The following ZPBP variants were observed in gnomAD, a reference collection of about 807,000 sequenced individuals.
ZPBP encodes the protein zona pellucida-binding protein 1.
Under a neutral mutation model 44.8 loss-of-function variants are expected in ZPBP, and 26 were observed. That is an observed-to-expected ratio of 0.58 (90% CI 0.43 to 0.81). The LOEUF (loss-of-function observed/expected upper bound fraction) is 0.81. Ranked by LOEUF, ZPBP falls within the 30% of genes least tolerant of loss-of-function variation. The probability of loss-of-function intolerance (pLI) is 0.00; values close to 1 mark genes in which losing one functional copy is unlikely to be tolerated. For missense variants in ZPBP, 409 were observed against 434.0 expected (o/e 0.94, Z 0.51); for synonymous variants, 174 against 153.2 (o/e 1.14, Z -1.00).
At chr7:49,886,126 G>A (rs1791894909) in intron 2 of ZPBP, among the ~76,000 whole-genome samples, 1 of 152,206 alleles carries the variant, frequency 6.6e-6, no homozygotes, top group Admixed American at 6.5e-5. Context: ...TGAAGCCCCT[G>A]GGCTGGGCAA....
At position 49,983,449 on chromosome 7, in the gene ZPBP, G is replaced by C; in HGVS notation, c.854C>G (p.Pro285Arg). ...EILGRRAEQL[P>R]QIYYIEGTLQ... is the part of the protein sequence containing the mutation. ...AGTACCTTCAATATAGTATATTTGA[G>C]GTAATTGTTCTGCACGTCTGCCAAG... The change falls in exon 7 of 8, where the codon CCT (proline) becomes CGT (arginine). Residue 285 changes from proline to arginine, a missense_variant. Coordinates refer to ENST00000046087, the MANE Select transcript of ZPBP (RefSeq NM_007009.3). 6.2e-7 allele frequency: 1 copy of C among 1,611,390 alleles called. No homozygotes were observed. Among genetic ancestry groups the C allele is most frequent in the Admixed American group, 1.7e-5 (1 of 59,918 alleles).
Position 50,081,824 on chromosome 7 carries a change from A to G in ZPBP, c.284T>C (p.Leu95Pro). The part of the protein sequence containing the change: ...CVTQQLRNAE[L>P]IDPSFQWYGP... ...ATACCATTGGAATGATGGGTCTATC[A>G]GTTCAGCATTTCGCAGTTGTTGCGT... is the stretch of plus-strand genomic sequence containing the variant. Residue 95 changes from leucine to proline, a missense_variant, in exon 3 of 8, where the codon CTG becomes CCG. Leu to Pro is a moderately conservative substitution (Grantham distance 98, BLOSUM62 -3). Coordinates refer to ENST00000046087, the MANE Select transcript of ZPBP (RefSeq NM_007009.3). 6.2e-7 allele frequency: 1 copy of G among 1,611,730 alleles called. No individual in the cohort carries two copies.
At chr7:50,081,444 G>C (rs1338092352) in intron 3 of ZPBP, among the ~76,000 whole-genome samples, 1 of 151,558 alleles carries the variant, frequency 6.6e-6, no homozygotes, top group African/African-American at 2.4e-5. Context: ...CTGTATTTCA[G>C]GATTAAAAAA....
rs542476460 is a variant in ZPBP, at chr7:50,025,353, C to A, written c.706+5739G>T. On this transcript the variant is annotated intron_variant, in intron 5 of 7. Coordinates refer to ENST00000046087, the MANE Select transcript of ZPBP (RefSeq NM_007009.3). ...AACACATTATTAAAGGCAAGAAATACAGAGGACCAACATTACCCAACTTCA... is the reference window on the plus strand; with the variant it reads ...AACACATTATTAAAGGCAAGAAATAAAGAGGACCAACATTACCCAACTTCA... Among the ~76,000 whole-genome samples the A allele has an allele frequency of 2.6e-5, 4 of 151,836 alleles. No individual in the cohort carries two copies. In the East Asian group the frequency reaches 7.7e-4, roughly 29 times the overall value.
chr7:49,857,696 G>A (rs1021038826), intron 2 of ZPBP, among the ~76,000 whole-genome samples: 1 of 152,148 alleles, frequency 6.6e-6, no homozygotes, highest in African/African-American at 2.4e-5. Flanking sequence ...GTGACTCTTG[G>A]TGGGAATGCA....
At chr7:49,983,061 A>G (rs973491568) in intron 7 of ZPBP, among the ~76,000 whole-genome samples, 2 of 152,032 alleles carry the variant, frequency 1.3e-5, no homozygotes, top group African/African-American at 4.8e-5. Flanking sequence ...TTTTAAAGTC[A>G]GGAACTCTAA....
chr7:49,908,729 T>C (rs1233899657), intron 1 of ZPBP, among the ~76,000 whole-genome samples: 1 of 152,136 alleles, frequency 6.6e-6, no homozygotes, highest in East Asian at 1.9e-4. Context: ...CAGCTGAAGA[T>C]ATCTTCTTAG....
chr7:49,851,009 C>T (rs547944466), intron 2 of ZPBP, among the ~76,000 whole-genome samples: 2 of 152,162 alleles, frequency 1.3e-5, no homozygotes, highest in Non-Finnish European at 2.9e-5. Flanking sequence ...TTTACTCGTC[C>T]GCAATTCTGC....
intron 1 of ZPBP, among the ~76,000 whole-genome samples, chr7:49,911,383 G>A (rs1325770512): frequency 6.6e-6 from 1 of 151,292 alleles, no homozygotes; most frequent in Non-Finnish European, 1.5e-5. Context: ...TCTGGAGGCT[G>A]CGGCAGGAGA....
rs867778313 is a variant in ZPBP at position 49,974,129 on chromosome 7, G to A, written c.961+9213C>T. ...CCGAAAATAGAATGAAGAATACTGG[G>A]AGATGAAGGGAAGGGCTAATGGAGT... On this transcript the variant is annotated intron_variant, in intron 7 of 7. Coordinates refer to ENST00000046087, the MANE Select transcript of ZPBP (RefSeq NM_007009.3). Among the ~76,000 whole-genome samples the A allele has an allele frequency of 3.9e-5, 6 of 152,254 alleles. 1 individual carries two copies. The highest frequency in any genetic ancestry group is 6.8e-3 in the Middle Eastern group (2 of 294).
chr7:50,080,741 A>G, intron 3 of ZPBP, among the ~76,000 whole-genome samples: 1 of 151,828 alleles, frequency 6.6e-6, no homozygotes, highest in East Asian at 1.9e-4. Context: ...CGCCTGGATC[A>G]CTTCTCTGAT....
chr7:49,930,914 A>T (rs748853741), intron 1 of ZPBP, among the ~76,000 whole-genome samples: 2 of 152,208 alleles, frequency 1.3e-5, no homozygotes, highest in Non-Finnish European at 2.9e-5. Flanking sequence ...AATATTCCCC[A>T]CATGTTGTGG....
chr7:49,975,967 A>C (rs1796495633), intron 7 of ZPBP, among the ~76,000 whole-genome samples: 1 of 152,090 alleles, frequency 6.6e-6, no homozygotes, highest in African/African-American at 2.4e-5. Context: ...CATTTTTTCT[A>C]TCTACTAATT....
intron 7 of ZPBP, chr7:49,944,585 T>G (rs780218741): frequency 6.6e-6 from 1 of 152,594 alleles, no homozygotes; most frequent in East Asian, 1.9e-4. Flanking sequence ...GTTGTTAGAT[T>G]TTTTCATAGT....
At chr7:49,940,025 A>C (rs977823056) in intron 7 of ZPBP, among the ~76,000 whole-genome samples, 2 of 152,188 alleles carry the variant, frequency 1.3e-5, no homozygotes, top group African/African-American at 4.8e-5. Flanking sequence ...TGCCTCAACC[A>C]ATCAGAGCTT....
chr7:50,065,619 AT>A (rs1273168175), intron 3 of ZPBP, among the ~76,000 whole-genome samples: 5 of 150,568 alleles, frequency 3.3e-5, no homozygotes, highest in Admixed American at 3.3e-4. Context: ...TGTGGCATTA[AT>A]TTTTTTGCCT....
chr7:49,843,437 T>A, the ZPBP span, among the ~76,000 whole-genome samples: 2 of 152,186 alleles, frequency 1.3e-5, no homozygotes, highest in Admixed American at 6.5e-5. Context: ...TGTGCCAATT[T>A]CTTATTCAAG....
At chr7:49,989,606 A>G (rs1447477312) in intron 6 of ZPBP, among the ~76,000 whole-genome samples, 1 of 152,214 alleles carries the variant, frequency 6.6e-6, no homozygotes, top group African/African-American at 2.4e-5. Context: ...ATTCTGTTTC[A>G]AAACTTATCA....
chr7:50,009,904 A>C (rs1798493139), intron 6 of ZPBP, among the ~76,000 whole-genome samples: 1 of 152,180 alleles, frequency 6.6e-6, no homozygotes, highest in Non-Finnish European at 1.5e-5. Context: ...TCCAAAGAAG[A>C]GGAAATAATT....
Sources: gnomAD v4.1 joint callset for allele counts (sites outside exome capture counted in the v4.1 genomes callset) on GRCh38, gnomAD v4.1.1 for gene constraint, MANE v1.5 for transcripts, NCBI Gene and HGNC (gene_info 2026-07-23, HGNC 2026-07-21) for gene names.